CENPE: variants seen among roughly 807,000 people sequenced by gnomAD.
CENPE encodes the protein centromere-associated protein E.
Under a neutral mutation model 336.1 loss-of-function variants are expected in CENPE, and 145 were observed. The observed-to-expected ratio is 0.43, with a 90% CI of 0.38 to 0.50. The LOEUF is 0.50. Ranked by LOEUF, CENPE falls within the 20% of genes least tolerant of loss-of-function variation. The pLI, the probability that CENPE is intolerant of heterozygous loss-of-function variation, is 0.00. For synonymous variants in CENPE, 1,013 were observed against 984.8 expected (o/e 1.03, Z -0.54); for missense variants, 2,719 against 3,023.3 (o/e 0.90, Z 2.36).
chr4:103,144,684 C>T, intron 32 of CENPE, 66 bp from the exon 33 acceptor site: 1 of 1,080,224 alleles, frequency 9.3e-7, no homozygotes, highest in East Asian at 2.5e-5. Context: ...AGAACTGTTC[C>T]TAAAATAAGG....
chr4:103,144,612 C>G lies in CENPE; in HGVS notation c.4864G>C (p.Glu1622Gln), dbSNP rs185126789. The change falls in exon 33 of 49, where the codon GAA becomes CAA. Residue 1622 changes from glutamate to glutamine, a missense_variant. Glu to Gln is a conservative substitution (Grantham distance 29, BLOSUM62 2). Coordinates refer to ENST00000265148, the MANE Select transcript of CENPE (RefSeq NM_001813.3). ...AACTGATATTCTTTTTCTTGAGATT[C>G]TTTCATCTGAGAAAATTATAAAGTA... is the stretch of plus-strand genomic sequence containing the variant. ...NTKEIVAKMK[E>Q]SQEKEYQFLK... 1.2e-4 allele frequency: 190 copies of G among 1,597,056 alleles called. No homozygotes were observed. The highest frequency in any genetic ancestry group is 1.9e-4 in the Admixed American group (11 of 57,230).
chr4:103,124,341 G>A (rs1750908365), intron 42 of CENPE, among the ~76,000 whole-genome samples: 1 of 152,160 alleles, frequency 6.6e-6, no homozygotes, highest in African/African-American at 2.4e-5. Flanking sequence ...GGATGTGGAT[G>A]ATGACAATAA....
rs751465767 is a variant in CENPE at position 103,180,297 on chromosome 4, T to C, written c.1242+14A>G. 31 of 1,606,244 alleles carry C rather than the reference T, an allele frequency of 1.9e-5. No individual in the cohort carries two copies. Among genetic ancestry groups the C allele is most frequent in the African/African-American group, 5.4e-5 (4 of 74,712 alleles). On this transcript the variant is annotated intron_variant, in intron 13 of 48. Transcript: ENST00000265148. ...TCTGTACATCAAGTTTAAGCTGTCATCTTTTAATTTTACCTTTAATTCCTG... is the reference window on the plus strand; with the variant it reads ...TCTGTACATCAAGTTTAAGCTGTCACCTTTTAATTTTACCTTTAATTCCTG...
intron 34 of CENPE, among the ~76,000 whole-genome samples, chr4:103,143,003 CAAAAAAAAAAAA>C (rs1168385683): frequency 1.6e-5 from 1 of 62,976 alleles, no homozygotes; most frequent in African/African-American, 5.7e-5. Flanking sequence ...GACTCTGTCT[CAAAAAAAAAAAA>C]AAAAAAAAAA....
chr4:103,185,350 A>G (rs1023768302), intron 9 of CENPE, among the ~76,000 whole-genome samples: 1 of 151,854 alleles, frequency 6.6e-6, no homozygotes, highest in Non-Finnish European at 1.5e-5. Flanking sequence ...GTCTTGTACA[A>G]ATCTTTGTTG....
At position 103,168,517 on chromosome 4, in the gene CENPE, C is replaced by T. The variant is rs548414628; in HGVS notation, c.1648-4964G>A. ...CTGCTGGGAGTCTTGACTGCTGGTGCCACCAGGTTAAGCTTACCAACATTG... is the reference window on the plus strand; with the variant it reads ...CTGCTGGGAGTCTTGACTGCTGGTGTCACCAGGTTAAGCTTACCAACATTG... On this transcript the variant is annotated intron_variant, in intron 16 of 48. Transcript: ENST00000265148. Among the ~76,000 whole-genome samples, 34 of 152,298 alleles carry T rather than the reference C, an allele frequency of 2.2e-4. 1 individual carries two copies. In the South Asian group the frequency reaches 5.0e-3, roughly 22 times the overall value.
rs1049003342 is a variant in CENPE, at chr4:103,108,810, A to C, written c.8004T>G (p.Leu2668=). ...VRYFDNSSLG[L]CPEVQNAGAE... ...ACCAGTATATTTACTTACCTGGACA[A>C]AGGCCTAAACTTGAGTTATCAAAAT... The change falls in exon 48 of 49, where the codon CTT becomes CTG. Residue 2668 remains leucine, a synonymous_variant. Coordinates refer to ENST00000265148, the MANE Select transcript of CENPE (RefSeq NM_001813.3). The C allele has an allele frequency of 6.2e-7, 1 of 1,613,042 alleles. No individual in the cohort carries two copies. The highest frequency in any genetic ancestry group is 8.5e-7 in the Non-Finnish European group (1 of 1,179,406).
rs1213337480 is a variant in CENPE, at chr4:103,147,429, AG to A, written c.4060del (p.Thr1356ArgfsTer2). On this transcript the variant is annotated frameshift_variant, in exon 29 of 49. Transcript: ENST00000265148. LOFTEE classifies it high-confidence loss of function. ...TTCAAGGGCTTCTTTTATCGTTTTA[AG>A]GTTGTCTCTTTCCTTGGTTAGAGAT... is the stretch of plus-strand genomic sequence containing the variant. ...IKSLTKERDN[L>X]KTIKEALEVK... The A allele has an allele frequency of 6.2e-7, 1 of 1,613,942 alleles. No homozygotes were observed. Among genetic ancestry groups the A allele is most frequent in the South Asian group, 1.1e-5 (1 of 91,080 alleles).
intron 16 of CENPE, among the ~76,000 whole-genome samples, chr4:103,167,180 A>G (rs1459151154): frequency 6.6e-6 from 1 of 152,204 alleles, no homozygotes; most frequent in Non-Finnish European, 1.5e-5. Context: ...ATCCATTAAT[A>G]TGTAGCATCC....
chr4:103,186,011 T>A, intron 8 of CENPE, 150 bp from the exon 9 acceptor site: 4 of 510,796 alleles, frequency 7.8e-6, no homozygotes, highest in South Asian at 3.4e-5. Context: ...TTCCCTTTTT[T>A]CTCTGAGTCA....
intron 16 of CENPE, among the ~76,000 whole-genome samples, chr4:103,168,287 C>T (rs867294011): frequency 6.6e-6 from 1 of 152,116 alleles, no homozygotes. Context: ...AAGCACCTGC[C>T]CCAGCCACCA....
At chr4:103,179,769 G>C (rs777027591) in intron 13 of CENPE, among the ~76,000 whole-genome samples, 2 of 152,092 alleles carry the variant, frequency 1.3e-5, no homozygotes, top group Non-Finnish European at 2.9e-5. Flanking sequence ...TTCAAATCCA[G>C]GAAGTCTAGC....
At chr4:103,107,527 G>A (rs113247537) in intron 48 of CENPE, among the ~76,000 whole-genome samples, 2,841 of 152,262 alleles carry the variant, frequency 0.019, 82 homozygotes, top group African/African-American at 0.066. Context: ...TGGTAGGGTA[G>A]GCAGACACAC....
At chr4:103,126,131 C>T (rs560457461) in intron 42 of CENPE, among the ~76,000 whole-genome samples, 1 of 152,210 alleles carries the variant, frequency 6.6e-6, no homozygotes, top group East Asian at 1.9e-4. Flanking sequence ...GAGTTAAAAA[C>T]TTCGGAGACC....
intron 26 of CENPE, among the ~76,000 whole-genome samples, 164 bp downstream of exon 26, chr4:103,151,055 G>T (rs1753500136): frequency 6.6e-6 from 1 of 152,074 alleles, no homozygotes. Flanking sequence ...AGGTATGTTA[G>T]TTTAGATCTC....
intron 46 of CENPE, among the ~76,000 whole-genome samples, chr4:103,112,467 ATATATACT>A (rs200158793): frequency 0.018 from 2,615 of 145,168 alleles, 70 homozygotes; most frequent in African/African-American, 0.059. Flanking sequence ...ATATCTATAC[ATATATACT>A]TATATATACT....
chr4:103,196,336 C>A, intron 2 of CENPE, 84 bp from the exon 3 acceptor site: 1 of 1,020,134 alleles, frequency 9.8e-7, no homozygotes. Flanking sequence ...GTAATTATTC[C>A]CAAAAGTAAA....
intron 42 of CENPE, among the ~76,000 whole-genome samples, chr4:103,131,693 C>T (rs1751602177): frequency 6.6e-6 from 1 of 152,098 alleles, no homozygotes; most frequent in South Asian, 2.1e-4. Flanking sequence ...CCAAAACATA[C>T]AAGCCACCAA....
In CENPE at chr4:103,160,618, T is replaced by C; in HGVS notation, c.2286+7A>G. The C allele has an allele frequency of 6.3e-7, 1 of 1,598,858 alleles. No individual in the cohort carries two copies. Among genetic ancestry groups the C allele is most frequent in the Non-Finnish European group, 8.5e-7 (1 of 1,174,926 alleles). On this transcript the variant is annotated splice_region_variant and intron_variant, in intron 21 of 48. Coordinates refer to ENST00000265148, the MANE Select transcript of CENPE (RefSeq NM_001813.3). The stretch of plus-strand genomic sequence containing the variant: ...AATAAGGGATAAGTGCTTATAAATG[T>C]GTTTACCTCTTTCCTCAGCCTTTCT...
Sources: gnomAD v4.1 joint callset for allele counts (sites outside exome capture counted in the v4.1 genomes callset) on GRCh38, gnomAD v4.1.1 for gene constraint, MANE v1.5 for transcripts, NCBI Gene and HGNC (gene_info 2026-07-23, HGNC 2026-07-21) for gene names.